Variants in LHFPL3 observed in about 807,000 individuals in gnomAD.
LHFPL3 encodes the protein LHFPL tetraspan subfamily member 3.
A neutral mutation model predicts 19.3 loss-of-function variants in LHFPL3; 5 were observed. The observed-to-expected ratio is 0.26, with a 90% confidence interval of 0.14 to 0.54. The LOEUF (loss-of-function observed/expected upper bound fraction) is 0.54, where lower values mean the gene tolerates loss of function less well. Among genes scored for constraint, LHFPL3 ranks in the 20% least tolerant of loss-of-function variants. The pLI, the probability that LHFPL3 is intolerant of heterozygous loss-of-function variation, is 0.94. For missense variants in LHFPL3, 249 were observed against 307.4 expected, an observed-to-expected ratio of 0.81 and a Z score of 1.42; for synonymous variants, 133 against 126.2, an observed-to-expected ratio of 1.05 and a Z score of -0.36.
intron 2 of LHFPL3, among the ~76,000 whole-genome samples, chr7:104,883,936 C>T (rs74559491): frequency 0.02 from 3,116 of 152,166 alleles, 64 homozygotes; most frequent in Non-Finnish European, 0.03. Flanking sequence ...CCTTTGAGCC[C>T]GCATAACCTG....
chr7:104,780,340 G>A (rs1384588305), intron 2 of LHFPL3, among the ~76,000 whole-genome samples: 6 of 152,074 alleles, frequency 3.9e-5, no homozygotes, highest in African/African-American at 4.8e-5. Flanking sequence ...GCATATCCCC[G>A]TAAGTCCTCA....
At chr7:104,830,641 G>A (rs540520966) in intron 2 of LHFPL3, among the ~76,000 whole-genome samples, 1 of 152,072 alleles carries the variant, frequency 6.6e-6, no homozygotes, top group African/African-American at 2.4e-5. Context: ...TCAGATGGTT[G>A]TAGACAAGTG....
chr7:104,740,984 A>G (rs1239361580), intron 2 of LHFPL3, among the ~76,000 whole-genome samples: 1 of 152,240 alleles, frequency 6.6e-6, no homozygotes, highest in African/African-American at 2.4e-5. Flanking sequence ...AAAAAGCTCA[A>G]TTCTAATTGT....
At chr7:104,861,548 G>A (rs148068161) in intron 2 of LHFPL3, among the ~76,000 whole-genome samples, 52 of 152,254 alleles carry the variant, frequency 3.4e-4, no homozygotes, top group African/African-American at 1.2e-3. Context: ...GCAACAGAGA[G>A]AGCTGTTATC....
chr7:104,649,358 G>A (rs1791987260), intron 1 of LHFPL3, among the ~76,000 whole-genome samples: 1 of 152,214 alleles, frequency 6.6e-6, no homozygotes, highest in Non-Finnish European at 1.5e-5. Flanking sequence ...AGAGGATCCT[G>A]GAGGACTTCC....
chr7:104,478,091 G>GT (rs1793059966), intron 1 of LHFPL3, among the ~76,000 whole-genome samples: 1 of 152,090 alleles, frequency 6.6e-6, no homozygotes, highest in Admixed American at 6.6e-5. Flanking sequence ...TTATGATTCT[G>GT]TTTTTATCCT....
rs765180265 is a variant in LHFPL3, at chr7:104,670,861, G to GTTTT, written c.446-65813_446-65810dup. The stretch of plus-strand genomic sequence containing the variant: ...TGAGGTGGCCAGACCAATGTGTTTT[G>GTTTT]TTTTGTTTTTTTTTTTTTAAGCTTC... On this transcript the variant is annotated intron_variant, in intron 1 of 2. Coordinates refer to ENST00000424859, the MANE Select transcript of LHFPL3 (RefSeq NM_199000.3). Among the ~76,000 whole-genome samples, 3 of 146,448 alleles carry GTTTT rather than the reference G, an allele frequency of 2.0e-5. 1 individual carries two copies. Among genetic ancestry groups the GTTTT allele is most frequent in the Non-Finnish European group, 1.5e-5 (1 of 65,786 alleles).
intron 1 of LHFPL3, among the ~76,000 whole-genome samples, chr7:104,715,790 T>G (rs1436083686): frequency 6.6e-6 from 1 of 152,164 alleles, no homozygotes; most frequent in African/African-American, 2.4e-5. Flanking sequence ...TGAATTCAGT[T>G]TGTTGGTATT....
chr7:104,814,530 C>A lies in LHFPL3; in HGVS notation c.682+77619C>A, dbSNP rs550943035. Among the ~76,000 whole-genome samples the A allele has an allele frequency of 2.6e-5, 4 of 152,288 alleles. No individual in the cohort carries two copies. In the South Asian group the frequency reaches 8.3e-4, roughly 32 times the overall value. The stretch of plus-strand genomic sequence containing the variant: ...CAAGTTTCTACTCAGGTCCACGGAA[C>A]TGGCAGCCTGACTCCCAGCCTTCAG... On this transcript the variant is annotated intron_variant, in intron 2 of 2. Coordinates refer to ENST00000424859, the MANE Select transcript of LHFPL3 (RefSeq NM_199000.3).
At chr7:104,569,751 C>T (rs77298444) in intron 1 of LHFPL3, among the ~76,000 whole-genome samples, 4,191 of 152,150 alleles carry the variant, frequency 0.028, 197 homozygotes, top group African/African-American at 0.096. Context: ...GTGGATTCTA[C>T]GGATTCCCTG....
chr7:104,850,868 G>A (rs1178950603), intron 2 of LHFPL3, among the ~76,000 whole-genome samples: 1 of 151,110 alleles, frequency 6.6e-6, no homozygotes, highest in African/African-American at 2.4e-5. Flanking sequence ...AAAACTCTCA[G>A]TATTTAAAAT....
chr7:104,377,207 T>C (rs1388245078), intron 1 of LHFPL3, among the ~76,000 whole-genome samples: 1 of 152,206 alleles, frequency 6.6e-6, no homozygotes, highest in African/African-American at 2.4e-5. Context: ...AATTTGCTGA[T>C]TCATTTGCCA....
rs545059652 is a variant in LHFPL3, at chr7:104,840,528, A to G, written c.683-65659A>G. The stretch of plus-strand genomic sequence containing the variant: ...TGTAGAGACCAGGGCCTTGTTGCCT[A>G]GGCTGGTCTTGAACTCCTGAGCTCA... On this transcript the variant is annotated intron_variant, in intron 2 of 2. Transcript: ENST00000424859. 1.4e-3 allele frequency among the ~76,000 whole-genome samples: 156 copies of G among 110,570 alleles called. 1 individual carries two copies. Among genetic ancestry groups the G allele is most frequent in the Admixed American group, 6.7e-3 (47 of 6,994 alleles). 72.5% of individuals were successfully genotyped at this position (110,570 alleles called of 152,430 possible).
intron 1 of LHFPL3, among the ~76,000 whole-genome samples, chr7:104,637,189 A>T (rs1584454137): frequency 6.6e-6 from 1 of 152,078 alleles, no homozygotes; most frequent in African/African-American, 2.4e-5. Flanking sequence ...CTTCTTTTGA[A>T]AAGTGTTCAT....
chr7:104,717,282 A>G (rs1193938737), intron 1 of LHFPL3, among the ~76,000 whole-genome samples: 1 of 152,200 alleles, frequency 6.6e-6, no homozygotes, highest in East Asian at 1.9e-4. Flanking sequence ...AAGCACAGGT[A>G]ACAAAAGCAA....
At chr7:104,465,288 C>G (rs1792756280) in intron 1 of LHFPL3, among the ~76,000 whole-genome samples, 1 of 152,174 alleles carries the variant, frequency 6.6e-6, no homozygotes, top group Non-Finnish European at 1.5e-5. Context: ...TTCAACAAGT[C>G]ACTAGGAAGT....
chr7:104,399,997 G>A lies in LHFPL3; in HGVS notation c.445+70773G>A, dbSNP rs899824349. Among the ~76,000 whole-genome samples the A allele has an allele frequency of 2.7e-5, 4 of 150,568 alleles. No individual in the cohort carries two copies. Among genetic ancestry groups the A allele is most frequent in the East Asian group, 2.0e-4 (1 of 5,086 alleles). ...CAGATGCCTGTAATCCCAGCTACCC[G>A]GGAGGCTGAGGCTGAAGAATCCTTT... On this transcript the variant is annotated intron_variant, in intron 1 of 2. Coordinates refer to ENST00000424859, the MANE Select transcript of LHFPL3 (RefSeq NM_199000.3). The surrounding 1 kb of genome is among the most constrained non-coding windows in gnomAD (Gnocchi z 4.4).
chr7:104,770,643 C>T (rs1417961281), intron 2 of LHFPL3, among the ~76,000 whole-genome samples: 1 of 152,172 alleles, frequency 6.6e-6, no homozygotes, highest in Non-Finnish European at 1.5e-5. Flanking sequence ...CCAATTATCC[C>T]CTCCCACACC....
chr7:104,743,695 A>T (rs368298726), intron 2 of LHFPL3, among the ~76,000 whole-genome samples: 4 of 152,186 alleles, frequency 2.6e-5, no homozygotes, highest in East Asian at 3.9e-4. Flanking sequence ...CATTTTACAC[A>T]TCAAAAACCA....
Sources: gnomAD v4.1 joint callset for allele counts (sites outside exome capture counted in the v4.1 genomes callset) on GRCh38, gnomAD v4.1.1 for gene constraint, Gnocchi (gnomAD v3.1) non-coding constraint, MANE v1.5 for transcripts, NCBI Gene and HGNC (gene_info 2026-07-23, HGNC 2026-07-21) for gene names.